The following GATAD2A variants were observed in gnomAD, a reference collection of about 807,000 sequenced individuals.
The protein encoded by GATAD2A is transcriptional repressor p66-alpha.
GATAD2A carries 12 observed loss-of-function variants against 68.5 expected under a neutral mutation model. The ratio of observed to expected loss-of-function variants is 0.18; its 90% CI spans 0.11 to 0.28. The LOEUF (loss-of-function observed/expected upper bound fraction) is 0.28, where lower values mean the gene tolerates loss of function less well. GATAD2A is among the 10% of genes least tolerant of loss of function. The pLI is 1.00. For synonymous variants in GATAD2A, 410 were observed against 375.3 expected, an observed-to-expected ratio of 1.09 and a Z score of -1.07; for missense variants, 755 against 868.5, an observed-to-expected ratio of 0.87 and a Z score of 1.64.
chr19:19,466,814 T>C (rs986831010), intron 2 of GATAD2A, among the ~76,000 whole-genome samples: 2 of 152,214 alleles, frequency 1.3e-5, no homozygotes, highest in African/African-American at 4.8e-5. Flanking sequence ...GTTCCAGAAA[T>C]AAAACTATAG....
intron 8 of GATAD2A, 85 bp downstream of exon 8, chr19:19,498,807 A>T: frequency 8.3e-7 from 1 of 1,207,812 alleles, no homozygotes; most frequent in Non-Finnish European, 1.2e-6. Context: ...CACACAGCAG[A>T]GGCTGGGGCA....
At chr19:19,388,853 C>T (rs970566094) in intron 1 of GATAD2A, among the ~76,000 whole-genome samples, 2 of 152,014 alleles carry the variant, frequency 1.3e-5, no homozygotes, top group East Asian at 1.9e-4. Context: ...TTTTCTCTCC[C>T]GAGACCCCCT....
rs1377094913 is a variant in GATAD2A, at chr19:19,507,330, T to C, written c.*1856T>C. ...TCTGTGTGCCTGGCAAATAAATACC[T>C]GTCTCCTACGACCCTGAGCTGTTAG... On this transcript the variant is annotated 3_prime_UTR_variant, in exon 12 of 12. Transcript: ENST00000683918. 6.6e-6 allele frequency: 1 copy of C among 151,858 alleles called. No homozygotes were observed. The highest frequency in any genetic ancestry group is 1.5e-5 in the Non-Finnish European group (1 of 67,972). The allele number at this position is 151,858 out of a possible 1,614,324, so 9.4% of individuals were successfully genotyped here. A position where few individuals can be genotyped will look rare whatever the true frequency, so the allele number is the denominator to read the frequency against.
chr19:19,432,255 G>A lies in GATAD2A; in HGVS notation c.-7+26236G>A, dbSNP rs79207461. 3.6e-3 allele frequency among the ~76,000 whole-genome samples: 544 copies of A among 152,092 alleles called. 17 individuals are homozygous for A. In the East Asian group the frequency reaches 0.064, roughly 18 times the overall value. The stretch of plus-strand genomic sequence containing the variant: ...TTCCCAAAATGCTGGGATTACAGAC[G>A]TGAGCCACTGTGCTTGACAGTGGTT... On this transcript the variant is annotated intron_variant, in intron 1 of 11. Transcript: ENST00000683918.
intron 2 of GATAD2A, among the ~76,000 whole-genome samples, chr19:19,482,038 TC>T (rs2059098384): frequency 2.0e-5 from 3 of 152,010 alleles, no homozygotes; most frequent in African/African-American, 7.3e-5. Context: ...GCCCAGGAAG[TC>T]GAGGCTGTAG....
chr19:19,410,108 C>G (rs146069424), intron 1 of GATAD2A, among the ~76,000 whole-genome samples: 1 of 152,140 alleles, frequency 6.6e-6, no homozygotes, highest in African/African-American at 2.4e-5. Context: ...CGCTGTACCC[C>G]CTTTGTCTCT....
chr19:19,432,504 T>C (rs1260398623), intron 1 of GATAD2A, among the ~76,000 whole-genome samples: 1 of 152,120 alleles, frequency 6.6e-6, no homozygotes, highest in Non-Finnish European at 1.5e-5. Flanking sequence ...TTTCGCCATG[T>C]TGGCCAGGAT....
At chr19:19,452,347 G>A (rs1202602673) in intron 1 of GATAD2A, among the ~76,000 whole-genome samples, 1 of 152,212 alleles carries the variant, frequency 6.6e-6, no homozygotes, top group Non-Finnish European at 1.5e-5. Context: ...TGCTGTGGCT[G>A]TCAGAGGTTG....
intron 1 of GATAD2A, among the ~76,000 whole-genome samples, chr19:19,413,765 A>G (rs2051251100): frequency 6.6e-6 from 1 of 151,950 alleles, no homozygotes; most frequent in African/African-American, 2.4e-5. Flanking sequence ...TTGTATTTTT[A>G]GTAGAGATGG....
rs771144294 is a variant in GATAD2A at position 19,405,986 on chromosome 19, G to A, written c.-40G>A. 1 of 150,636 alleles carries A rather than the reference G, an allele frequency of 6.6e-6. No homozygotes were observed. The highest frequency in any genetic ancestry group is 1.9e-4 in the East Asian group (1 of 5,150). The allele number at this position is 150,636 out of a possible 1,614,324, so 9.3% of individuals were successfully genotyped here. A position where few individuals can be genotyped will look rare whatever the true frequency, so the allele number is the denominator to read the frequency against. On this transcript the variant is annotated 5_prime_UTR_variant, in exon 1 of 12. Coordinates refer to ENST00000683918, the MANE Select transcript of GATAD2A (RefSeq NM_001384528.1). ...CGGACCAGCAGCCCCCGTAACCTGC[G>A]CGCTGCCCTAGGGCCCGGCCGACCC...
chr19:19,502,189 T>TA (rs1362915999), intron 10 of GATAD2A, 142 bp from the exon 11 acceptor site: 4 of 861,836 alleles, frequency 4.6e-6, no homozygotes, highest in Non-Finnish European at 7.3e-6. Flanking sequence ...CTGTGTAACT[T>TA]ACCTGGTCTC....
At chr19:19,475,596 G>T (rs2058626051) in intron 2 of GATAD2A, among the ~76,000 whole-genome samples, 1 of 152,208 alleles carries the variant, frequency 6.6e-6, no homozygotes, top group Non-Finnish European at 1.5e-5. Flanking sequence ...GAGGCTGGGT[G>T]GCCCCAGGGA....
chr19:19,438,799 C>T (rs1375641515), intron 1 of GATAD2A, among the ~76,000 whole-genome samples: 1 of 152,190 alleles, frequency 6.6e-6, no homozygotes, highest in Non-Finnish European at 1.5e-5. Flanking sequence ...ACAGTCGTGG[C>T]ACATGATACT....
At chr19:19,397,985 C>T (rs968094640) in intron 1 of GATAD2A, among the ~76,000 whole-genome samples, 8 of 152,072 alleles carry the variant, frequency 5.3e-5, no homozygotes, top group African/African-American at 1.7e-4. Flanking sequence ...CTCACCACAA[C>T]CTTCGCCTTC....
intron 1 of GATAD2A, chr19:19,440,076 G>A: frequency 2.7e-6 from 1 of 367,576 alleles, no homozygotes; most frequent in Non-Finnish European, 5.3e-6. Flanking sequence ...ACAGGGTGGT[G>A]CCTGAGCCCC....
At chr19:19,409,257 C>T (rs1159195169) in intron 1 of GATAD2A, among the ~76,000 whole-genome samples, 3 of 152,060 alleles carry the variant, frequency 2.0e-5, no homozygotes, top group Non-Finnish European at 4.4e-5. Context: ...ACAGGCAGGG[C>T]TATTTTCTCT....
chr19:19,446,515 C>T (rs1384139852), intron 1 of GATAD2A, among the ~76,000 whole-genome samples: 2 of 151,606 alleles, frequency 1.3e-5, no homozygotes, highest in African/African-American at 4.8e-5. Flanking sequence ...GCCCTTTGCA[C>T]AAAAGATTTT....
chr19:19,491,578 G>A (rs919518546), intron 2 of GATAD2A, among the ~76,000 whole-genome samples: 12 of 152,230 alleles, frequency 7.9e-5, no homozygotes, highest in African/African-American at 2.9e-4. Flanking sequence ...CAGTCCATGA[G>A]TAGATCAGGC....
At chr19:19,453,455 C>G (rs2056593317) in intron 1 of GATAD2A, among the ~76,000 whole-genome samples, 1 of 152,132 alleles carries the variant, frequency 6.6e-6, no homozygotes, top group Non-Finnish European at 1.5e-5. Context: ...AAAGAGTTAA[C>G]CTTGAGTCCT....
Sources: gnomAD v4.1 joint callset for allele counts (sites outside exome capture counted in the v4.1 genomes callset) on GRCh38, gnomAD v4.1.1 for gene constraint, MANE v1.5 for transcripts, NCBI Gene and HGNC (gene_info 2026-07-23, HGNC 2026-07-21) for gene names.